Variants in SLC24A2 observed in about 807,000 individuals in gnomAD.
SLC24A2 encodes sodium/potassium/calcium exchanger 2.
A neutral mutation model predicts 62.0 loss-of-function variants in SLC24A2; 36 were observed. The observed-to-expected ratio is 0.58, with a 90% confidence interval of 0.44 to 0.77. The LOEUF (loss-of-function observed/expected upper bound fraction) is 0.77. Ranked by LOEUF, SLC24A2 falls within the 30% of genes least tolerant of loss-of-function variation. The probability of loss-of-function intolerance (pLI) is 0.00; values close to 1 mark genes in which losing one functional copy is unlikely to be tolerated. For missense variants in SLC24A2, 846 were observed against 817.9 expected, an observed-to-expected ratio of 1.03 and a Z score of -0.42; for synonymous variants, 358 against 294.0, an observed-to-expected ratio of 1.22 and a Z score of -2.23.
At chr9:19,734,839 C>T (rs1219840306) in intron 2 of SLC24A2, among the ~76,000 whole-genome samples, 1 of 152,070 alleles carries the variant, frequency 6.6e-6, no homozygotes, top group Non-Finnish European at 1.5e-5. Flanking sequence ...CCCTTCCTTA[C>T]ACCTTATACA....
chr9:20,210,148 G>A, the SLC24A2 span, among the ~76,000 whole-genome samples: 1 of 152,112 alleles, frequency 6.6e-6, no homozygotes, highest in Non-Finnish European at 1.5e-5. Flanking sequence ...ACTGTGGTGG[G>A]CTTTAAAAGG....
At chr9:20,027,173 G>T in the SLC24A2 span, among the ~76,000 whole-genome samples, 1 of 151,978 alleles carries the variant, frequency 6.6e-6, no homozygotes, top group Admixed American at 6.6e-5. Context: ...ATAGCATGGA[G>T]AAAAGAGAAC....
intron 2 of SLC24A2, among the ~76,000 whole-genome samples, chr9:19,735,749 A>G (rs1821489115): frequency 6.6e-6 from 1 of 152,040 alleles, no homozygotes; most frequent in Non-Finnish European, 1.5e-5. Flanking sequence ...TCAGCAAACT[A>G]TCGCAAGGAC....
At chr9:20,135,429 T>C in the SLC24A2 span, among the ~76,000 whole-genome samples, 1 of 152,088 alleles carries the variant, frequency 6.6e-6, no homozygotes, top group South Asian at 2.1e-4. Context: ...CAGATGTCAG[T>C]TCCAATCCTG....
At chr9:19,733,368 A>G (rs1048641219) in intron 2 of SLC24A2, among the ~76,000 whole-genome samples, 1 of 152,208 alleles carries the variant, frequency 6.6e-6, no homozygotes, top group Admixed American at 6.5e-5. Context: ...CTCACCAGCA[A>G]GATGATCTTC....
the SLC24A2 span, among the ~76,000 whole-genome samples, chr9:20,224,385 C>G: frequency 6.6e-6 from 1 of 151,754 alleles, no homozygotes; most frequent in Admixed American, 6.6e-5. Context: ...CAATTTACAA[C>G]AGTAATAACA....
intron 2 of SLC24A2, among the ~76,000 whole-genome samples, chr9:19,668,690 A>T (rs896966962): frequency 2.0e-5 from 3 of 152,158 alleles, no homozygotes; most frequent in Non-Finnish European, 4.4e-5. Flanking sequence ...TTGAAATAAT[A>T]GTTTCCTCTC....
chr9:19,551,297 G>T (rs1295757990), intron 7 of SLC24A2, among the ~76,000 whole-genome samples: 1 of 152,198 alleles, frequency 6.6e-6, no homozygotes, highest in Non-Finnish European at 1.5e-5. Context: ...GGGTGTCGGA[G>T]CCAGGGAACA....
the SLC24A2 span, among the ~76,000 whole-genome samples, chr9:20,099,958 T>C: frequency 8.5e-4 from 129 of 152,304 alleles, no homozygotes; most frequent in Admixed American, 3.1e-3. Flanking sequence ...TTTTGTGTCA[T>C]GCTGACTATT....
At chr9:19,840,744 C>A in the SLC24A2 span, among the ~76,000 whole-genome samples, 3 of 152,160 alleles carry the variant, frequency 2.0e-5, no homozygotes, top group Admixed American at 1.3e-4. Context: ...TACAACATTT[C>A]TATCACCCTA....
the SLC24A2 span, among the ~76,000 whole-genome samples, chr9:20,291,219 GA>G: frequency 1.3e-5 from 2 of 152,296 alleles, no homozygotes; most frequent in East Asian, 3.9e-4. Flanking sequence ...GAAAACACAG[GA>G]GAGCATAAGA....
the SLC24A2 span, among the ~76,000 whole-genome samples, chr9:20,033,102 C>G: frequency 1.3e-5 from 2 of 152,180 alleles, no homozygotes; most frequent in Non-Finnish European, 2.9e-5. Flanking sequence ...GTTTAGAAAT[C>G]TGCATCTTAA....
At chr9:20,103,034 C>G in the SLC24A2 span, among the ~76,000 whole-genome samples, 19 of 152,180 alleles carry the variant, frequency 1.2e-4, no homozygotes, top group Non-Finnish European at 2.8e-4. Flanking sequence ...AACGGTGCAC[C>G]AGGAGATTAT....
chr9:20,194,791 G>T, the SLC24A2 span, among the ~76,000 whole-genome samples: 1 of 151,758 alleles, frequency 6.6e-6, no homozygotes, highest in African/African-American at 2.4e-5. Flanking sequence ...GAAAAATAGA[G>T]AACACCTGGA....
At chr9:20,063,384 T>C in the SLC24A2 span, among the ~76,000 whole-genome samples, 1 of 150,506 alleles carries the variant, frequency 6.6e-6, no homozygotes, top group East Asian at 2.0e-4. Flanking sequence ...CAGTAAACTA[T>C]TGCAAGAACA....
chr9:19,579,570 T>C (rs1242498973), intron 5 of SLC24A2, among the ~76,000 whole-genome samples: 1 of 152,190 alleles, frequency 6.6e-6, no homozygotes, highest in African/African-American at 2.4e-5. Flanking sequence ...ACTCAGAACA[T>C]CCTGCCACTC....
At chr9:20,119,252 C>T in the SLC24A2 span, among the ~76,000 whole-genome samples, 1 of 152,134 alleles carries the variant, frequency 6.6e-6, no homozygotes, top group South Asian at 2.1e-4. Flanking sequence ...AGACTCTAAG[C>T]CTAGGATCCA....
chr9:19,575,117 T>C (rs546977216), intron 6 of SLC24A2, among the ~76,000 whole-genome samples: 1 of 152,330 alleles, frequency 6.6e-6, no homozygotes, highest in African/African-American at 2.4e-5. Flanking sequence ...TATTTAGTTG[T>C]GGAATATAGA....
chr9:19,599,228 G>C lies in SLC24A2; in HGVS notation c.1079-1949C>G, dbSNP rs540444143. On this transcript the variant is annotated intron_variant, in intron 4 of 10. Transcript: ENST00000341998. This position sits in a 1 kb window ranked among gnomAD's most constrained non-coding sequence, Gnocchi z 4.5. ...ATTATCATTTTATTTGTACATAGTT[G>C]GAATTGGAACTGTTCATATCGGACA... is the stretch of plus-strand genomic sequence containing the variant. Among the ~76,000 whole-genome samples, 1 of 152,250 alleles carries C rather than the reference G, an allele frequency of 6.6e-6. No individual in the cohort carries two copies. Among genetic ancestry groups the C allele is most frequent in the East Asian group, 1.9e-4 (1 of 5,182 alleles).
Sources: allele counts gnomAD v4.1 joint callset (sites outside exome capture counted in the v4.1 genomes callset), GRCh38; gene constraint gnomAD v4.1.1; non-coding constraint Gnocchi (gnomAD v3.1); transcripts MANE v1.5; gene names NCBI Gene and HGNC (gene_info 2026-07-23, HGNC 2026-07-21).